MAGI1: variants seen among roughly 807,000 people sequenced by gnomAD.
MAGI1 encodes membrane associated guanylate kinase, WW and PDZ domain containing 1.
Under a neutral mutation model 139.9 loss-of-function variants are expected in MAGI1, and 58 were observed. The ratio of observed to expected loss-of-function variants is 0.41; its 90% CI spans 0.34 to 0.52. The LOEUF is 0.52. MAGI1 is among the 20% of genes least tolerant of loss of function. The pLI is 0.12. For synonymous variants in MAGI1, 812 were observed against 737.9 expected, an observed-to-expected ratio of 1.10 and a Z score of -1.63; for missense variants, 1,874 against 1,901.6, an observed-to-expected ratio of 0.99 and a Z score of 0.27.
At chr3:65,586,367 G>A (rs2081678085) in intron 2 of MAGI1, among the ~76,000 whole-genome samples, 1 of 152,134 alleles carries the variant, frequency 6.6e-6, no homozygotes, top group Non-Finnish European at 1.5e-5. Flanking sequence ...ATTGCTTGGA[G>A]GAGGTGGAAA....
chr3:65,947,524 A>C (rs1298436607), intron 1 of MAGI1, among the ~76,000 whole-genome samples: 3 of 152,198 alleles, frequency 2.0e-5, no homozygotes, highest in Admixed American at 6.5e-5. Flanking sequence ...GCTATAATAA[A>C]ATTATTATGC....
chr3:65,460,681 T>G (rs971571463), intron 5 of MAGI1, among the ~76,000 whole-genome samples: 3 of 151,114 alleles, frequency 2.0e-5, no homozygotes, highest in Non-Finnish European at 3.0e-5. Flanking sequence ...TTACTCCTAA[T>G]GCTGTGCCTC....
At chr3:65,385,991 C>T (rs548822096) in intron 14 of MAGI1, among the ~76,000 whole-genome samples, 1 of 152,312 alleles carries the variant, frequency 6.6e-6, no homozygotes, top group African/African-American at 2.4e-5. Flanking sequence ...CCAGCCAGCA[C>T]TGGGCTCCTG....
At chr3:65,929,256 T>C (rs776688476) in intron 1 of MAGI1, among the ~76,000 whole-genome samples, 9 of 152,194 alleles carry the variant, frequency 5.9e-5, no homozygotes, top group Non-Finnish European at 1.3e-4. Flanking sequence ...CTTTCATCCT[T>C]TCTCCTCAAT....
chr3:65,418,804 C>T (rs4688232), intron 12 of MAGI1, among the ~76,000 whole-genome samples: 38,346 of 152,062 alleles, frequency 0.25, 5,087 homozygotes, highest in African/African-American at 0.33. Context: ...CACCTCCTCC[C>T]CTCTCCAGCC....
At chr3:65,495,523 T>C (rs890830593) in intron 2 of MAGI1, among the ~76,000 whole-genome samples, 1 of 152,204 alleles carries the variant, frequency 6.6e-6, no homozygotes, top group African/African-American at 2.4e-5. Flanking sequence ...CCCCAACACA[T>C]GCCAGGCACT....
chr3:65,755,581 C>T (rs553679140), intron 1 of MAGI1, among the ~76,000 whole-genome samples: 1 of 152,246 alleles, frequency 6.6e-6, no homozygotes, highest in Admixed American at 6.5e-5. Context: ...TAGGAATTTA[C>T]ACATAGGCAT....
intron 1 of MAGI1, among the ~76,000 whole-genome samples, chr3:65,908,599 C>T (rs1489638880): frequency 3.3e-5 from 5 of 152,166 alleles, no homozygotes; most frequent in East Asian, 3.9e-4. Context: ...TTATTATTTC[C>T]GAATGAAACA....
chr3:65,799,520 T>C (rs537634284), intron 1 of MAGI1, among the ~76,000 whole-genome samples: 4 of 152,280 alleles, frequency 2.6e-5, no homozygotes, highest in African/African-American at 4.8e-5. Flanking sequence ...TCCAGCAGAG[T>C]TGAAGAAGCT....
intron 1 of MAGI1, among the ~76,000 whole-genome samples, chr3:65,756,065 C>T (rs2036538061): frequency 6.6e-6 from 1 of 152,196 alleles, no homozygotes. Flanking sequence ...CTGGGAACAA[C>T]TACACAATGT....
intron 1 of MAGI1, among the ~76,000 whole-genome samples, chr3:65,842,817 T>C (rs1023317211): frequency 6.6e-6 from 1 of 152,240 alleles, no homozygotes; most frequent in African/African-American, 2.4e-5. Context: ...CATGGTGACC[T>C]ACTGCTCTTT....
Position 65,471,129 on chromosome 3 carries a change from C to T in MAGI1, c.758-645G>A, listed in dbSNP as rs553053107. Among the ~76,000 whole-genome samples, 4 of 152,142 alleles carry T rather than the reference C, an allele frequency of 2.6e-5. No individual in the cohort carries two copies. In the East Asian group the frequency reaches 7.7e-4, roughly 29 times the overall value. ...TGTTCCTGTGAAAACCAAGAGTTAC[C>T]CCCAGAACAGTATCATGTGGGTGGA... On this transcript the variant is annotated intron_variant, in intron 4 of 22. Coordinates refer to ENST00000402939, the MANE Select transcript of MAGI1 (RefSeq NM_001033057.2).
At chr3:65,961,112 T>C (rs1560057855) in intron 1 of MAGI1, among the ~76,000 whole-genome samples, 1 of 152,228 alleles carries the variant, frequency 6.6e-6, no homozygotes, top group Non-Finnish European at 1.5e-5. Flanking sequence ...ACCATTCATC[T>C]AGGGATAAGA....
chr3:65,887,134 A>G (rs1199345042), intron 1 of MAGI1, among the ~76,000 whole-genome samples: 1 of 152,300 alleles, frequency 6.6e-6, no homozygotes, highest in East Asian at 1.9e-4. Flanking sequence ...GCCATCTCAA[A>G]AAAAGATTCC....
At chr3:65,468,971 A>AAATAAATAAATG (rs1183473233) in intron 5 of MAGI1, among the ~76,000 whole-genome samples, 1 of 150,760 alleles carries the variant, frequency 6.6e-6, no homozygotes, top group East Asian at 1.9e-4. Flanking sequence ...ATAAATAAAT[A>AAATAAATAAATG]AATAAATAAA....
At chr3:65,522,526 TACA>T (rs2078209914) in intron 2 of MAGI1, among the ~76,000 whole-genome samples, 1 of 152,060 alleles carries the variant, frequency 6.6e-6, no homozygotes, top group Non-Finnish European at 1.5e-5. Flanking sequence ...AGACCCAGTG[TACA>T]ACAACAAATA....
intron 1 of MAGI1, among the ~76,000 whole-genome samples, chr3:65,713,767 G>A (rs1576847591): frequency 6.6e-6 from 1 of 152,278 alleles, no homozygotes; most frequent in East Asian, 1.9e-4. Context: ...CAAACACTGA[G>A]AAAACCCTGG....
In MAGI1 at chr3:65,597,044, C is replaced by T. The variant is rs542466680; in HGVS notation, c.430+24928G>A. 6.4e-4 allele frequency among the ~76,000 whole-genome samples: 97 copies of T among 152,288 alleles called. 1 individual carries two copies. The highest frequency in any genetic ancestry group is 8.7e-4 in the Non-Finnish European group (59 of 68,026). ...AAAGTGCAAAGGCATTTGCCCACCGCGCTGCCCGGGGAAGCAGCTCTCCCT... is the reference window on the plus strand; with the variant it reads ...AAAGTGCAAAGGCATTTGCCCACCGTGCTGCCCGGGGAAGCAGCTCTCCCT... On this transcript the variant is annotated intron_variant, in intron 2 of 22. Transcript: ENST00000402939.
chr3:66,025,358 G>C (rs1331564915), intron 1 of MAGI1, among the ~76,000 whole-genome samples: 1 of 149,480 alleles, frequency 6.7e-6, no homozygotes, highest in African/African-American at 2.5e-5. Context: ...GAGCAAGACA[G>C]TGAAACCCTG....
Sources: gnomAD v4.1 joint callset for allele counts (sites outside exome capture counted in the v4.1 genomes callset) on GRCh38, gnomAD v4.1.1 for gene constraint, MANE v1.5 for transcripts, NCBI Gene and HGNC (gene_info 2026-07-23, HGNC 2026-07-21) for gene names.